Variants in SGCD observed in about 807,000 individuals in gnomAD.
SGCD encodes the protein delta-sarcoglycan.
A neutral mutation model predicts 36.6 loss-of-function variants in SGCD; 18 were observed. That is an observed-to-expected ratio of 0.49 (90% CI 0.34 to 0.73). The LOEUF (loss-of-function observed/expected upper bound fraction) is 0.73. Among genes scored for constraint, SGCD ranks in the 30% least tolerant of loss-of-function variants. The pLI, the probability that SGCD is intolerant of heterozygous loss-of-function variation, is 0.01. For missense variants in SGCD, 387 were observed against 346.7 expected (o/e 1.12, Z -0.92); for synonymous variants, 133 against 130.6 (o/e 1.02, Z -0.12).
intron 3 of SGCD, among the ~76,000 whole-genome samples, chr5:156,275,568 T>C (rs1327993268): frequency 6.6e-6 from 1 of 152,140 alleles, no homozygotes; most frequent in African/African-American, 2.4e-5. Context: ...GTGGCAGTCT[T>C]CTTTTTGTTC....
the SGCD span, among the ~76,000 whole-genome samples, chr5:155,824,524 C>T: frequency 6.6e-6 from 1 of 152,098 alleles, no homozygotes; most frequent in Non-Finnish European, 1.5e-5. Flanking sequence ...ATTTTATATG[C>T]ACCATAACTT....
At chr5:156,434,382 T>C (rs1198490706) in intron 3 of SGCD, among the ~76,000 whole-genome samples, 2 of 152,090 alleles carry the variant, frequency 1.3e-5, no homozygotes, top group East Asian at 3.9e-4. Flanking sequence ...AGAGGGGAAA[T>C]GTAATTCAAT....
chr5:156,028,708 G>C (rs555704947), intron 1 of SGCD, among the ~76,000 whole-genome samples: 48 of 152,172 alleles, frequency 3.2e-4, no homozygotes, highest in Non-Finnish European at 5.9e-4. Flanking sequence ...TAAAATATTT[G>C]TACCACACAT....
chr5:156,674,917 G>C (rs764225755), intron 7 of SGCD, among the ~76,000 whole-genome samples: 1 of 152,212 alleles, frequency 6.6e-6, no homozygotes, highest in Non-Finnish European at 1.5e-5. Context: ...ATGGGACGCA[G>C]TGACTTCATT....
chr5:155,750,533 A>G, the SGCD span, among the ~76,000 whole-genome samples: 1,890 of 152,328 alleles, frequency 0.012, 51 homozygotes, highest in African/African-American at 0.043. Flanking sequence ...TTTAATTAGT[A>G]TATGAAGAAC....
chr5:156,362,226 G>C (rs1392405911), intron 3 of SGCD, among the ~76,000 whole-genome samples: 2 of 152,168 alleles, frequency 1.3e-5, no homozygotes, highest in African/African-American at 4.8e-5. Context: ...ACCTTTACTG[G>C]CTTATTTCTG....
At chr5:156,397,603 T>C (rs1219579813) in intron 3 of SGCD, among the ~76,000 whole-genome samples, 1 of 152,208 alleles carries the variant, frequency 6.6e-6, no homozygotes, top group Non-Finnish European at 1.5e-5. Context: ...CACTGTGACC[T>C]GTGGCATGCC....
intron 3 of SGCD, among the ~76,000 whole-genome samples, chr5:156,320,287 A>G (rs1767624190): frequency 6.6e-6 from 1 of 152,136 alleles, no homozygotes; most frequent in African/African-American, 2.4e-5. Flanking sequence ...AAAAATAAAG[A>G]TGAGTGATGC....
intron 3 of SGCD, among the ~76,000 whole-genome samples, chr5:156,444,950 C>T (rs989535665): frequency 6.6e-6 from 1 of 152,140 alleles, no homozygotes; most frequent in Non-Finnish European, 1.5e-5. Context: ...GATTAAATTG[C>T]TGTCTATAAA....
At chr5:156,050,572 A>G (rs921963842) in intron 1 of SGCD, among the ~76,000 whole-genome samples, 2 of 146,530 alleles carry the variant, frequency 1.4e-5, no homozygotes, top group African/African-American at 2.5e-5. Context: ...AGCACAAACT[A>G]TATAGCTCTC....
intron 3 of SGCD, among the ~76,000 whole-genome samples, chr5:156,494,327 C>A (rs1490377454): frequency 7.3e-6 from 1 of 137,182 alleles, no homozygotes; most frequent in Admixed American, 7.7e-5. Flanking sequence ...TTTTTTTAAT[C>A]CCCTCCTATT....
rs1233232062 is a variant in SGCD, at chr5:156,269,496, A to AC, written c.-43-60038_-43-60037insC. The stretch of plus-strand genomic sequence containing the variant: ...AAAAAAAAAAAAAAAAAAAAAAAAA[A>AC]AAAAAAAAAAAAAACCATCAGATCT... On this transcript the variant is annotated intron_variant, in intron 3 of 9. Coordinates refer to the SGCD transcript ENST00000517913. Among the ~76,000 whole-genome samples the AC allele has an allele frequency of 6.5e-4, 89 of 137,258 alleles. 6 individuals carry two copies. Among genetic ancestry groups the AC allele is most frequent in the Admixed American group, 1.2e-3 (16 of 13,510 alleles). The allele number at this position is 137,258 out of a possible 152,430, so 90.0% of individuals were successfully genotyped here. A position where few individuals can be genotyped will look rare whatever the true frequency, so the allele number is the denominator to read the frequency against.
intron 1 of SGCD, among the ~76,000 whole-genome samples, chr5:156,007,731 G>A (rs17053126): frequency 0.064 from 9,783 of 152,184 alleles, 1,090 homozygotes; most frequent in African/African-American, 0.22. Context: ...TAAACCCAAA[G>A]TCTAAGTGGG....
chr5:156,730,251 G>A (rs1755987946), intron 7 of SGCD, among the ~76,000 whole-genome samples: 1 of 152,046 alleles, frequency 6.6e-6, no homozygotes, highest in Non-Finnish European at 1.5e-5. Context: ...GTGAAGTTCA[G>A]GAGTACAAGT....
At chr5:156,536,897 C>CT (rs1004341987) in intron 4 of SGCD, among the ~76,000 whole-genome samples, 63 of 152,266 alleles carry the variant, frequency 4.1e-4, no homozygotes, top group African/African-American at 1.4e-3. Flanking sequence ...CCCTCATCAT[C>CT]TTCTGATGTG....
At chr5:155,841,705 T>C in the SGCD span, among the ~76,000 whole-genome samples, 1 of 152,188 alleles carries the variant, frequency 6.6e-6, no homozygotes, top group African/African-American at 2.4e-5. Flanking sequence ...ATAGCAAATA[T>C]GATTTTCCCC....
chr5:155,885,045 A>G (rs1755971515), intron 1 of SGCD, among the ~76,000 whole-genome samples: 1 of 117,280 alleles, frequency 8.5e-6, no homozygotes, highest in African/African-American at 4.3e-5. Context: ...GTATTTCATG[A>G]GTGAAAGAAC....
the SGCD span, among the ~76,000 whole-genome samples, chr5:155,774,247 A>AT: frequency 4.9e-4 from 74 of 152,206 alleles, no homozygotes; most frequent in Middle Eastern, 6.8e-3. Context: ...TATAGAAAGC[A>AT]TTTTTCACAA....
chr5:156,720,114 GC>G (rs904610355), intron 7 of SGCD, among the ~76,000 whole-genome samples: 19 of 152,166 alleles, frequency 1.2e-4, no homozygotes, highest in Admixed American at 2.6e-4. Context: ...GCCACAAGGA[GC>G]CAAAAGAGAC....
Sources: gnomAD v4.1 joint callset for allele counts (sites outside exome capture counted in the v4.1 genomes callset) on GRCh38, gnomAD v4.1.1 for gene constraint, MANE v1.5 for transcripts, NCBI Gene and HGNC (gene_info 2026-07-23, HGNC 2026-07-21) for gene names.